UBE2F: variants seen among roughly 807,000 people sequenced by gnomAD.
The protein encoded by UBE2F is ubiquitin conjugating enzyme E2 F (putative).
A neutral mutation model predicts 29.6 loss-of-function variants in UBE2F; 5 were observed. The ratio of observed to expected loss-of-function variants is 0.17; its 90% CI spans 0.09 to 0.36. The LOEUF (loss-of-function observed/expected upper bound fraction) is 0.36. UBE2F is among the 10% of genes least tolerant of loss of function. UBE2F has a pLI of 1.00. For synonymous variants in UBE2F, 66 were observed against 81.8 expected (o/e 0.81, Z 1.04); for missense variants, 141 against 228.5 (o/e 0.62, Z 2.47).
intron 2 of UBE2F, chr2:237,986,142 C>T (rs1424888878): frequency 2.6e-4 from 68 of 260,988 alleles, no homozygotes; most frequent in East Asian, 5.0e-4. Context: ...CTTTTCTTTT[C>T]TTTTTTTTTT....
intron 7 of UBE2F, among the ~76,000 whole-genome samples, chr2:238,031,752 T>G (rs1006765217): frequency 1.3e-5 from 2 of 152,234 alleles, no homozygotes; most frequent in African/African-American, 2.4e-5. Flanking sequence ...TTTAAATAAC[T>G]AATGCAAAAT....
intron 4 of UBE2F, among the ~76,000 whole-genome samples, chr2:237,999,999 A>G (rs1354964688): frequency 6.6e-6 from 1 of 151,756 alleles, no homozygotes; most frequent in Non-Finnish European, 1.5e-5. Context: ...TAATTTTTAT[A>G]TTTTTAGTAG....
chr2:237,987,852 CTT>C (rs1553551928), intron 2 of UBE2F, 109 bp from the exon 3 acceptor site: 3,605 of 516,078 alleles, frequency 7.0e-3, no homozygotes, highest in South Asian at 0.014. Context: ...TCAGTTCATC[CTT>C]TTTTTTTTTT....
intron 4 of UBE2F, among the ~76,000 whole-genome samples, chr2:238,005,041 C>T (rs1468717124): frequency 6.6e-6 from 1 of 152,122 alleles, no homozygotes; most frequent in East Asian, 1.9e-4. Context: ...TTTTGGTCTT[C>T]TGGCCTCCAG....
rs1193598144 is a variant in UBE2F at position 238,041,401 on chromosome 2, A to G, written c.*63A>G. The G allele has an allele frequency of 1.3e-6, 2 of 1,572,630 alleles. No homozygotes were observed. The highest frequency in any genetic ancestry group is 2.7e-5 in the African/African-American group (2 of 74,022). The stretch of plus-strand genomic sequence containing the variant: ...AGTTTGTCTCTAACATGAAACAGCA[A>G]GAGGTAGCCCCCTCTCCCGTCCTCA... On this transcript the variant is annotated 3_prime_UTR_variant, in exon 10 of 10. Coordinates refer to ENST00000272930, the MANE Select transcript of UBE2F (RefSeq NM_080678.3).
Position 237,967,355 on chromosome 2 carries a change from C to T in UBE2F, c.-17+223C>T, listed in dbSNP as rs2063076717. Among the ~76,000 whole-genome samples the T allele has an allele frequency of 6.8e-6, 1 of 147,564 alleles. No individual in the cohort carries two copies. ...CGGGCCGCGAGCCGGGGGTCGGAGG[C>T]GGCGTCGGCGGCCGGGGCGCTGGCC... On this transcript the variant is annotated intron_variant, in intron 1 of 9. Transcript: ENST00000272930. This position sits in a 1 kb window ranked among gnomAD's most constrained non-coding sequence, Gnocchi z 6.3.
intron 1 of UBE2F, among the ~76,000 whole-genome samples, chr2:237,972,655 A>G (rs2063200844): frequency 7.0e-6 from 1 of 143,076 alleles, no homozygotes; most frequent in Non-Finnish European, 1.5e-5. Context: ...GGCTCAAGGG[A>G]TCCTCCTACC....
intron 4 of UBE2F, among the ~76,000 whole-genome samples, chr2:237,999,820 CTTTTTTTTTTTT>C (rs3054481): frequency 2.5e-5 from 3 of 119,888 alleles, no homozygotes; most frequent in African/African-American, 9.5e-5. Context: ...TGATGTTGTT[CTTTTTTTTTTTT>C]TTTTTTTTTT....
intron 4 of UBE2F, among the ~76,000 whole-genome samples, chr2:237,995,391 A>G (rs1254912188): frequency 6.6e-6 from 1 of 152,196 alleles, no homozygotes; most frequent in East Asian, 1.9e-4. Context: ...CAGCAAGAGG[A>G]GGACTTGTAT....
intron 3 of UBE2F, among the ~76,000 whole-genome samples, chr2:237,991,487 C>T (rs1305875382): frequency 6.6e-6 from 1 of 151,080 alleles, no homozygotes. Context: ...ATATTAGAGG[C>T]TCAGATAGTG....
At chr2:237,986,146 T>C (rs1295604708) in intron 2 of UBE2F, 220 of 312,846 alleles carry the variant, frequency 7.0e-4, no homozygotes, top group Middle Eastern at 1.2e-3. Flanking sequence ...TCTTTTCTTT[T>C]TTTTTTTTTT....
At chr2:238,026,363 C>G (rs1273585435) in intron 6 of UBE2F, among the ~76,000 whole-genome samples, 18 of 152,194 alleles carry the variant, frequency 1.2e-4, no homozygotes. Flanking sequence ...ATTCCTCTCT[C>G]CTTAGTAAAC....
chr2:237,989,007 A>G (rs1430942740), intron 3 of UBE2F, among the ~76,000 whole-genome samples: 2 of 152,212 alleles, frequency 1.3e-5, no homozygotes, highest in Admixed American at 6.5e-5. Flanking sequence ...TATTCTCTCT[A>G]TCATTAATCT....
At chr2:237,973,709 A>G in intron 2 of UBE2F, 2 of 1,291,210 alleles carry the variant, frequency 1.5e-6, no homozygotes, top group Non-Finnish European at 2.0e-6. Context: ...AATAACATAT[A>G]GTGTTCTAGA....
intron 1 of UBE2F, chr2:237,968,964 G>A (rs982470508): frequency 3.5e-5 from 17 of 486,166 alleles, no homozygotes; most frequent in Non-Finnish European, 4.5e-5. Context: ...AGAATCCTTT[G>A]GTTTAAATTT....
chr2:238,034,641 T>C (rs2064663943), intron 8 of UBE2F, among the ~76,000 whole-genome samples: 1 of 152,212 alleles, frequency 6.6e-6, no homozygotes, highest in Non-Finnish European at 1.5e-5. Context: ...ATATGTACTT[T>C]ATATTTTTGC....
chr2:238,021,242 G>A (rs2064285306), intron 5 of UBE2F, among the ~76,000 whole-genome samples: 1 of 152,182 alleles, frequency 6.6e-6, no homozygotes, highest in African/African-American at 2.4e-5. Context: ...AGGAAGGCCA[G>A]TCCTGCCATG....
chr2:238,021,162 A>G (rs1163778573), intron 5 of UBE2F, among the ~76,000 whole-genome samples: 1 of 152,202 alleles, frequency 6.6e-6, no homozygotes, highest in Non-Finnish European at 1.5e-5. Flanking sequence ...CTGGAAGTGA[A>G]GACACCACGT....
intron 5 of UBE2F, among the ~76,000 whole-genome samples, chr2:238,024,697 A>G (rs1197259339): frequency 2.6e-5 from 4 of 152,282 alleles, no homozygotes; most frequent in South Asian, 2.1e-4. Flanking sequence ...TGCCCAAACT[A>G]GAAAAATCTT....
Sources: gnomAD v4.1 joint callset for allele counts (sites outside exome capture counted in the v4.1 genomes callset) on GRCh38, gnomAD v4.1.1 for gene constraint, Gnocchi (gnomAD v3.1) non-coding constraint, MANE v1.5 for transcripts, NCBI Gene and HGNC (gene_info 2026-07-23, HGNC 2026-07-21) for gene names.